Variants in TMEM92 observed in about 807,000 individuals in gnomAD.
The protein encoded by TMEM92 is transmembrane protein 92.
In TMEM92, 15 loss-of-function variants were observed where a neutral mutation model predicts 14.6. The ratio of observed to expected loss-of-function variants is 1.03; its 90% CI spans 0.69 to 1.58. TMEM92 has a LOEUF of 1.58. TMEM92 is among the 40% of genes most tolerant of loss of function. TMEM92 has a pLI of 0.00. For synonymous variants in TMEM92, 85 were observed against 83.3 expected, an observed-to-expected ratio of 1.02 and a Z score of -0.11; for missense variants, 174 against 202.4, an observed-to-expected ratio of 0.86 and a Z score of 0.85.
chr17:50,274,312 C>G, upstream of TMEM92: 1 of 612,334 alleles, frequency 1.6e-6, no homozygotes, highest in Non-Finnish European at 2.9e-6. Context: ...TCCCAAATCC[C>G]AAAACCCAAC....
chr17:50,276,167 A>T (rs1910425830), intron 1 of TMEM92, among the ~76,000 whole-genome samples: 1 of 152,168 alleles, frequency 6.6e-6, no homozygotes, highest in African/African-American at 2.4e-5. Context: ...AAAAGAATAG[A>T]GACAGGGTCT....
At chr17:50,274,048 G>C (rs376958765), upstream of TMEM92, among the ~76,000 whole-genome samples, 8 of 152,146 alleles carry the variant, frequency 5.3e-5, no homozygotes, top group East Asian at 1.2e-3. Flanking sequence ...GCACGATCTC[G>C]GCTCACTGCA....
chr17:50,274,714 T>C, intron 1 of TMEM92, 144 bp downstream of exon 1: 1 of 781,026 alleles, frequency 1.3e-6, no homozygotes, highest in Non-Finnish European at 2.0e-6. Context: ...CTCTCTTTGC[T>C]GTGGAGGTGG....
chr17:50,277,413 G>A (rs1205334089), intron 1 of TMEM92, among the ~76,000 whole-genome samples: 2 of 152,010 alleles, frequency 1.3e-5, no homozygotes, highest in African/African-American at 4.8e-5. Flanking sequence ...AGTGCCCTGA[G>A]CCATGGGTGT....
At chr17:50,272,179 C>T (rs866044509), upstream of TMEM92, among the ~76,000 whole-genome samples, 1 of 152,116 alleles carries the variant, frequency 6.6e-6, no homozygotes, top group African/African-American at 2.4e-5. Context: ...ATGCCAGCCT[C>T]CTCCCCCTCC....
rs1910355456 is a variant in TMEM92 at position 50,274,474 on chromosome 17, A to T, written c.-28A>T. Reference sequence around the variant, plus strand: ...GGTCGCAGCCCCGCCTTCTCTACACAGGAAAGCTCAGTGGCCCCCAAGCCA... The same window carrying T: ...GGTCGCAGCCCCGCCTTCTCTACACTGGAAAGCTCAGTGGCCCCCAAGCCA... On this transcript the variant is annotated 5_prime_UTR_variant, in exon 1 of 5. Coordinates refer to ENST00000507382, the MANE Select transcript of TMEM92 (RefSeq NM_153229.3). The T allele has an allele frequency of 6.2e-7, 1 of 1,613,312 alleles. No homozygotes were observed. The highest frequency in any genetic ancestry group is 8.5e-7 in the Non-Finnish European group (1 of 1,179,572).
intron 4 of TMEM92, 54 bp from the exon 5 acceptor site, chr17:50,279,141 G>C (rs553017396): frequency 6.4e-7 from 1 of 1,561,840 alleles, no homozygotes; most frequent in African/African-American, 1.4e-5. Context: ...TGGGATGGGG[G>C]AGTGGTGGCC....
chr17:50,280,582 C>G lies in TMEM92; in HGVS notation c.*1274C>G, dbSNP rs1295351803. 6.6e-6 allele frequency: 1 copy of G among 152,564 alleles called. No individual in the cohort carries two copies. The highest frequency in any genetic ancestry group is 2.4e-5 in the African/African-American group (1 of 41,458). The allele number at this position is 152,564 out of a possible 1,614,324, so 9.5% of individuals were successfully genotyped here. ...CCAGCCTCCTTCTCCAGGCAGAGAG[C>G]CCCATGTCAATGCTGGCCAAAGCTC... On this transcript the variant is annotated 3_prime_UTR_variant, in exon 5 of 5. Coordinates refer to ENST00000507382, the MANE Select transcript of TMEM92 (RefSeq NM_153229.3).
Position 50,278,911 on chromosome 17 carries a change from G to T in TMEM92, c.281G>T (p.Cys94Phe), listed in dbSNP as rs1910520111. The change falls in exon 4 of 5, where the codon TGC becomes TTC. Residue 94 changes from cysteine to phenylalanine, a missense_variant. Physicochemically the swap from Cys to Phe is radical, Grantham distance 205. Coordinates refer to ENST00000507382, the MANE Select transcript of TMEM92 (RefSeq NM_153229.3). ...REPEPDSPVDCRGPLELPSII... is the reference protein window; with the variant it reads ...REPEPDSPVDFRGPLELPSII... ...CCGGAGCCAGACAGCCCAGTGGATT[G>T]CCGGGGGCCCCTGGAACTGCCCTCC... 7 of 1,613,718 alleles carry T rather than the reference G, an allele frequency of 4.3e-6. No individual in the cohort carries two copies. The highest frequency in any genetic ancestry group is 1.3e-5 in the African/African-American group (1 of 74,862).
At chr17:50,274,205 T>C (rs954320931), upstream of TMEM92, among the ~76,000 whole-genome samples, 1 of 152,016 alleles carries the variant, frequency 6.6e-6, no homozygotes, top group African/African-American at 2.4e-5. Context: ...GGTCTCGAAC[T>C]CCTGACCTGA....
chr17:50,275,579 A>G (rs1310550645), intron 1 of TMEM92, among the ~76,000 whole-genome samples: 2 of 152,166 alleles, frequency 1.3e-5, no homozygotes, highest in Non-Finnish European at 2.9e-5. Flanking sequence ...GACGCTCCAT[A>G]AAACTCAGCC....
upstream of TMEM92, among the ~76,000 whole-genome samples, chr17:50,272,999 A>C (rs865794806): frequency 1.2e-4 from 18 of 152,272 alleles, no homozygotes; most frequent in African/African-American, 4.1e-4. Flanking sequence ...TATAAGACAG[A>C]GAACATGACT....
rs559669048 is a variant in TMEM92 at position 50,279,369 on chromosome 17, G to A, written c.*61G>A. ...TCCTCCCCAGTGCCTCCTGGATCAA[G>A]CTAGAGACTGCTGGCACCCCAGGAA... On this transcript the variant is annotated 3_prime_UTR_variant, in exon 5 of 5. Transcript: ENST00000507382. 1.7e-5 allele frequency: 23 copies of A among 1,343,730 alleles called. No individual in the cohort carries two copies. In the East Asian group the frequency reaches 4.6e-4, roughly 27 times the overall value. 83.2% of individuals were successfully genotyped at this position (1,343,730 alleles called of 1,614,324 possible).
intron 4 of TMEM92, 78 bp downstream of exon 4, chr17:50,279,074 G>T (rs570323789): frequency 7.1e-7 from 1 of 1,403,644 alleles, no homozygotes; most frequent in Non-Finnish European, 1.0e-6. Context: ...TTCGATCCTG[G>T]AGGGCACTCT....
chr17:50,274,808 C>T (rs1395488797), intron 1 of TMEM92: 1 of 557,064 alleles, frequency 1.8e-6, no homozygotes, highest in Non-Finnish European at 3.2e-6. Context: ...GTGGCCACCA[C>T]CCACCACCTT....
At chr17:50,272,854 G>C (rs1458532250), upstream of TMEM92, among the ~76,000 whole-genome samples, 1 of 152,050 alleles carries the variant, frequency 6.6e-6, no homozygotes, top group Admixed American at 6.5e-5. Context: ...GAGGTGAACA[G>C]AGAGAGGAGA....
rs529121787 is a variant in TMEM92, at chr17:50,280,767, G to A, written c.*1459G>A. 1 of 152,626 alleles carries A rather than the reference G, an allele frequency of 6.6e-6. No homozygotes were observed. Among genetic ancestry groups the A allele is most frequent in the East Asian group, 1.9e-4 (1 of 5,184 alleles). 9.5% of individuals were successfully genotyped at this position (152,626 alleles called of 1,614,324 possible). A position where few individuals can be genotyped will look rare whatever the true frequency, so the allele number is the denominator to read the frequency against. ...GGCAGCCCCAAAGATGCCAGGAACA[G>A]GGACTGTCCGGGTGTGGGTTCCCAG... On this transcript the variant is annotated 3_prime_UTR_variant, in exon 5 of 5. Transcript: ENST00000507382.
chr17:50,272,003 C>G (rs1910261428), upstream of TMEM92, among the ~76,000 whole-genome samples: 1 of 151,982 alleles, frequency 6.6e-6, no homozygotes, highest in Admixed American at 6.5e-5. Flanking sequence ...CCACTCCATT[C>G]CAGTCTTGGT....
intron 1 of TMEM92, among the ~76,000 whole-genome samples, chr17:50,276,185 T>C (rs1308659627): frequency 6.6e-6 from 1 of 152,144 alleles, no homozygotes; most frequent in African/African-American, 2.4e-5. Context: ...TCTCGCTATG[T>C]TGGCCAGGTT....
Sources: gnomAD v4.1 joint callset for allele counts (sites outside exome capture counted in the v4.1 genomes callset) on GRCh38, gnomAD v4.1.1 for gene constraint, MANE v1.5 for transcripts, NCBI Gene and HGNC (gene_info 2026-07-23, HGNC 2026-07-21) for gene names.